ADGRV1: variants seen among roughly 807,000 people sequenced by gnomAD.
ADGRV1 encodes the protein G-protein coupled receptor 98.
A neutral mutation model predicts 596.2 loss-of-function variants in ADGRV1; 359 were observed. The observed-to-expected ratio is 0.60, with a 90% CI of 0.55 to 0.66. ADGRV1 has a LOEUF of 0.66. Ranked by LOEUF, ADGRV1 falls within the 30% of genes least tolerant of loss-of-function variation. The pLI is 0.00. For missense variants in ADGRV1, 7,274 were observed against 7,575.6 expected, an observed-to-expected ratio of 0.96 and a Z score of 1.48; for synonymous variants, 2,681 against 2,679.2, an observed-to-expected ratio of 1.00 and a Z score of -0.02.
intron 77 of ADGRV1, among the ~76,000 whole-genome samples, chr5:90,835,430 G>A (rs1046062237): frequency 6.6e-6 from 1 of 152,192 alleles, no homozygotes; most frequent in Non-Finnish European, 1.5e-5. Context: ...ACTTCCTGGA[G>A]CTGCCAGAGG....
chr5:91,079,414 G>A (rs543676025), intron 86 of ADGRV1, among the ~76,000 whole-genome samples: 64 of 152,208 alleles, frequency 4.2e-4, no homozygotes, highest in African/African-American at 1.4e-3. Context: ...CTCAATCCTC[G>A]AAGATTCATA....
chr5:90,930,555 T>G (rs1775145708), intron 83 of ADGRV1, among the ~76,000 whole-genome samples: 1 of 152,198 alleles, frequency 6.6e-6, no homozygotes, highest in South Asian at 2.1e-4. Context: ...TCTGAGTATT[T>G]ATGTGTCTTT....
intron 1 of ADGRV1, among the ~76,000 whole-genome samples, chr5:90,568,014 A>G (rs951495941): frequency 6.6e-6 from 1 of 152,208 alleles, no homozygotes; most frequent in African/African-American, 2.4e-5. Context: ...TTGGGATTAC[A>G]GGCATGAGCC....
At chr5:90,969,673 T>G (rs1260198339) in intron 84 of ADGRV1, among the ~76,000 whole-genome samples, 1 of 152,226 alleles carries the variant, frequency 6.6e-6, no homozygotes, top group Admixed American at 6.5e-5. Flanking sequence ...TATCCATCTG[T>G]TTGCTCTTCA....
At position 90,852,438 on chromosome 5, in the gene ADGRV1, A is replaced by G. The variant is rs568685444; in HGVS notation, c.17205-846A>G. On this transcript the variant is annotated intron_variant, in intron 79 of 89. Coordinates refer to ENST00000405460, the MANE Select transcript of ADGRV1 (RefSeq NM_032119.4). ...ATCCCAACATTCTAATATTCTCTCA[A>G]CTTTTCCAGGCAGGTTTAAGATCTG... Among the ~76,000 whole-genome samples, 3 of 152,212 alleles carry G rather than the reference A, an allele frequency of 2.0e-5. No individual in the cohort carries two copies. The East Asian group carries it at 5.8e-4, about 29-fold the overall frequency.
intron 21 of ADGRV1, among the ~76,000 whole-genome samples, chr5:90,670,527 G>C (rs1005950610): frequency 3.3e-5 from 5 of 152,172 alleles, no homozygotes; most frequent in Non-Finnish European, 7.3e-5. Context: ...CACTGAGTAT[G>C]AGGGGGTGTT....
chr5:90,668,762 C>T (rs1486348562), intron 21 of ADGRV1, among the ~76,000 whole-genome samples: 2 of 152,090 alleles, frequency 1.3e-5, no homozygotes, highest in East Asian at 1.9e-4. Context: ...TGTAACTGTA[C>T]ATTCTTTTAT....
chr5:91,117,720 A>G (rs1362221125), intron 87 of ADGRV1, among the ~76,000 whole-genome samples: 1 of 152,202 alleles, frequency 6.6e-6, no homozygotes, highest in East Asian at 1.9e-4. Flanking sequence ...ATAAATAGCA[A>G]CTCAAGAGAC....
rs11414131 is a variant in ADGRV1 at position 91,058,462 on chromosome 5, CT to C, written c.18153-13972del. Among the ~76,000 whole-genome samples, 577 of 144,370 alleles carry C rather than the reference CT, an allele frequency of 4.0e-3. 4 individuals carry two copies. Among genetic ancestry groups the C allele is most frequent in the African/African-American group, 0.011 (437 of 39,048 alleles). 94.7% of individuals were successfully genotyped at this position (144,370 alleles called of 152,430 possible). On this transcript the variant is annotated intron_variant, in intron 85 of 89. Transcript: ENST00000405460. The stretch of plus-strand genomic sequence containing the variant: ...TCCATAAAATCGTTAGGTAATTGAC[CT>C]TTTTTTTTTTTTGGCATCTTTTGCC...
At chr5:90,936,416 T>A (rs770344604) in intron 83 of ADGRV1, among the ~76,000 whole-genome samples, 3 of 152,172 alleles carry the variant, frequency 2.0e-5, no homozygotes, top group Non-Finnish European at 2.9e-5. Flanking sequence ...ATGACATCAA[T>A]TGAATCTATA....
chr5:91,020,602 A>AT (rs1783555980), intron 85 of ADGRV1, among the ~76,000 whole-genome samples: 1 of 151,984 alleles, frequency 6.6e-6, no homozygotes, highest in Non-Finnish European at 1.5e-5. Flanking sequence ...CCTGGAATCC[A>AT]TTCCAGCATT....
rs74798667 is a variant in ADGRV1, at chr5:90,738,686, T to C, written c.10550-6360T>C. Among the ~76,000 whole-genome samples the C allele has an allele frequency of 2.1e-3, 325 of 152,304 alleles. 3 individuals carry two copies. The East Asian group carries it at 0.029, about 13-fold the overall frequency. On this transcript the variant is annotated intron_variant, in intron 50 of 89. Transcript: ENST00000405460. ...CTGAGAAATCTGCTAATTAGCCATA[T>C]TGAGACGCCTTTGAATGCGACTATA...
At chr5:90,811,839 G>C (rs1762465687) in intron 74 of ADGRV1, among the ~76,000 whole-genome samples, 1 of 150,678 alleles carries the variant, frequency 6.6e-6, no homozygotes, top group South Asian at 2.1e-4. Context: ...CGTTACAATA[G>C]CTTAAAATTT....
chr5:90,713,245 G>C (rs1749626952), intron 42 of ADGRV1, among the ~76,000 whole-genome samples: 1 of 151,640 alleles, frequency 6.6e-6, no homozygotes, highest in Non-Finnish European at 1.5e-5. Flanking sequence ...ATTTGTAGTA[G>C]AAAATATAAA....
At chr5:90,597,950 A>G (rs1210889595) in intron 1 of ADGRV1, among the ~76,000 whole-genome samples, 1 of 152,220 alleles carries the variant, frequency 6.6e-6, no homozygotes, top group Non-Finnish European at 1.5e-5. Context: ...CAAAAGTTTA[A>G]GGGTGGACAG....
intron 50 of ADGRV1, among the ~76,000 whole-genome samples, chr5:90,730,649 A>G (rs560080364): frequency 6.6e-6 from 1 of 152,250 alleles, no homozygotes; most frequent in East Asian, 1.9e-4. Context: ...TGCTGTCTGC[A>G]GGTTGTAGGA....
At chr5:90,925,568 C>T (rs1378497244) in intron 83 of ADGRV1, among the ~76,000 whole-genome samples, 2 of 152,016 alleles carry the variant, frequency 1.3e-5, no homozygotes, top group African/African-American at 4.8e-5. Flanking sequence ...ACAGTCATGT[C>T]GTCTGCAAAC....
At position 90,685,597 on chromosome 5, in the gene ADGRV1, TATAAATAA is replaced by T. The variant is rs138476984; in HGVS notation, c.6275-145_6275-138del. Among the ~76,000 whole-genome samples the T allele has an allele frequency of 0.3, 42,720 of 142,060 alleles. 7,079 individuals carry two copies. The highest frequency in any genetic ancestry group is 0.45 in the Admixed American group (6,293 of 14,050). The allele number at this position is 142,060 out of a possible 152,430, so 93.2% of individuals were successfully genotyped here. On this transcript the variant is annotated intron_variant, in intron 28 of 89. Transcript: ENST00000405460. ...GCCTGCGTGGTAGAGAGTCCATCTC[TATAAATAA>T]ATAAATAAATAAATAAATAAATAAA...
intron 1 of ADGRV1, among the ~76,000 whole-genome samples, chr5:90,585,422 A>G (rs1758624463): frequency 6.6e-6 from 1 of 152,192 alleles, no homozygotes; most frequent in Non-Finnish European, 1.5e-5. Flanking sequence ...CTTCAAGACA[A>G]TGACAAAAGT....
Sources: allele counts gnomAD v4.1 joint callset (sites outside exome capture counted in the v4.1 genomes callset), GRCh38; gene constraint gnomAD v4.1.1; transcripts MANE v1.5; gene names NCBI Gene and HGNC (gene_info 2026-07-23, HGNC 2026-07-21).